The following PLPPR2 variants were observed in gnomAD, a reference collection of about 807,000 sequenced individuals.
PLPPR2 encodes the protein phospholipid phosphatase-related protein type 2.
A neutral mutation model predicts 40.3 loss-of-function variants in PLPPR2; 11 were observed. The observed-to-expected ratio is 0.27, with a 90% CI of 0.17 to 0.45. The LOEUF (loss-of-function observed/expected upper bound fraction) is 0.45, where lower values mean the gene tolerates loss of function less well. PLPPR2 is among the 20% of genes least tolerant of loss of function. PLPPR2 has a pLI of 1.00. For synonymous variants in PLPPR2, 260 were observed against 290.8 expected, an observed-to-expected ratio of 0.89 and a Z score of 1.08; for missense variants, 497 against 640.7, an observed-to-expected ratio of 0.78 and a Z score of 2.42.
Position 11,364,428 on chromosome 19 carries a change from G to A in PLPPR2, c.1097G>A (p.Arg366His), listed in dbSNP as rs746058870. 8.6e-6 allele frequency: 13 copies of A among 1,519,674 alleles called. No homozygotes were observed. Among genetic ancestry groups the A allele is most frequent in the African/African-American group, 8.3e-5 (6 of 72,200 alleles). The allele number at this position is 1,519,674 out of a possible 1,614,324, so 94.1% of individuals were successfully genotyped here. ...SRAPAMCSSP[R>H]VPRPRLRSEP... ...GCCCCAGCCATGTGTTCGTCGCCCCGTGTGCCCCGTCCTCGATTGAGGTCT... is the reference window on the plus strand; with the variant it reads ...GCCCCAGCCATGTGTTCGTCGCCCCATGTGCCCCGTCCTCGATTGAGGTCT... Residue 366 changes from arginine to histidine, a missense_variant, in exon 10 of 10, where the codon CGT becomes CAT. Transcript: ENST00000688289. The surrounding 1 kb of genome is among the most constrained non-coding windows in gnomAD (Gnocchi z 5.8).
chr19:11,361,583 C>T lies in PLPPR2; in HGVS notation c.663+95C>T. ...GCCAGGGTTGGAGCCTCTGCTCTTC[C>T]ACGCCCCGGGTGCTGTTGGAAGCTC... On this transcript the variant is annotated intron_variant, in intron 6 of 9. Coordinates refer to ENST00000688289, the MANE Select transcript of PLPPR2 (RefSeq NM_001393892.1). The surrounding 1 kb of genome is among the most constrained non-coding windows in gnomAD (Gnocchi z 6.3). 1 of 1,488,082 alleles carries T rather than the reference C, an allele frequency of 6.7e-7. No homozygotes were observed. Among genetic ancestry groups the T allele is most frequent in the Non-Finnish European group, 9.0e-7 (1 of 1,115,936 alleles). The allele number at this position is 1,488,082 out of a possible 1,614,324, so 92.2% of individuals were successfully genotyped here.
At chr19:11,356,627 G>T (rs992902489) in intron 1 of PLPPR2, among the ~76,000 whole-genome samples, 175 bp from the exon 2 acceptor site, 2 of 151,030 alleles carry the variant, frequency 1.3e-5, no homozygotes, top group Non-Finnish European at 2.9e-5. Context: ...GCAGGTGCTC[G>T]GTCTTCACTG....
rs1459095597 is a variant in PLPPR2, at chr19:11,359,029, G to A, written c.67-503G>A. ...GTTTTAATTTTTTTTCTTTCTTTTT[G>A]TCTTTCAGCCATTCCTTTTCCTTTC... On this transcript the variant is annotated intron_variant, in intron 3 of 9. Coordinates refer to ENST00000688289, the MANE Select transcript of PLPPR2 (RefSeq NM_001393892.1). The surrounding 1 kb of genome is among the most constrained non-coding windows in gnomAD (Gnocchi z 5.6). Among the ~76,000 whole-genome samples, 4 of 150,104 alleles carry A rather than the reference G, an allele frequency of 2.7e-5. No individual in the cohort carries two copies. The highest frequency in any genetic ancestry group is 3.9e-4 in the East Asian group (2 of 5,082).
chr19:11,362,428 C>A lies in PLPPR2; in HGVS notation c.664-85C>A. ...CTCCCTCCAGCCCCAACGCTCTGGC[C>A]ATGCGCTCTAGCCCAGAAAGGAGCG... is the stretch of plus-strand genomic sequence containing the variant. On this transcript the variant is annotated intron_variant, in intron 6 of 9. Transcript: ENST00000688289. The surrounding 1 kb of genome is among the most constrained non-coding windows in gnomAD (Gnocchi z 5.3). The A allele has an allele frequency of 1.3e-6, 2 of 1,537,550 alleles. No individual in the cohort carries two copies. The highest frequency in any genetic ancestry group is 1.1e-5 in the South Asian group (1 of 88,884).
chr19:11,364,346 G>A lies in PLPPR2; in HGVS notation c.1016-1G>A. 1 of 1,518,042 alleles carries A rather than the reference G, an allele frequency of 6.6e-7. No individual in the cohort carries two copies. The highest frequency in any genetic ancestry group is 8.8e-7 in the Non-Finnish European group (1 of 1,134,026). The allele number at this position is 1,518,042 out of a possible 1,614,324, so 94.0% of individuals were successfully genotyped here. ...CCTGATATCTGGCTTCTGACCACCA[G>A]AGTCGCAGAACTGCGCCCGCCGTGG... On this transcript the variant is annotated splice_acceptor_variant, in intron 9 of 9. Transcript: ENST00000688289. LOFTEE classifies it high-confidence loss of function. This position sits in a 1 kb window ranked among gnomAD's most constrained non-coding sequence, Gnocchi z 5.8.
At chr19:11,358,043 G>C (rs1316240000) in intron 3 of PLPPR2, among the ~76,000 whole-genome samples, 3 of 39,150 alleles carry the variant, frequency 7.7e-5, no homozygotes, top group African/African-American at 2.1e-4. Context: ...GTGTGTGTGT[G>C]TGTGTGTGTG....
intron 2 of PLPPR2, 44 bp from the exon 3 acceptor site, chr19:11,357,616 T>G (rs1967922723): frequency 6.7e-7 from 1 of 1,488,392 alleles, no homozygotes; most frequent in Admixed American, 2.0e-5. Context: ...AGCCTTCCCC[T>G]AGGCACACCC....
chr19:11,364,475 C>T lies in PLPPR2; in HGVS notation c.1144C>T (p.Pro382Ser). 6.6e-7 allele frequency: 1 copy of T among 1,517,598 alleles called. No homozygotes were observed. The highest frequency in any genetic ancestry group is 8.8e-7 in the Non-Finnish European group (1 of 1,138,314). 94.0% of individuals were successfully genotyped at this position (1,517,598 alleles called of 1,614,324 possible). Residue 382 changes from proline to serine, a missense_variant, in exon 10 of 10, where the codon CCC (proline) becomes TCC (serine). Pro to Ser is a moderately conservative substitution (Grantham distance 74). Coordinates refer to ENST00000688289, the MANE Select transcript of PLPPR2 (RefSeq NM_001393892.1). This position sits in a 1 kb window ranked among gnomAD's most constrained non-coding sequence, Gnocchi z 5.8. Reference protein sequence around the residue: ...LRSEPTPLPLPLPLPAPTPSQ... With the variant: ...LRSEPTPLPLSLPLPAPTPSQ... Reference sequence around the variant, plus strand: ...GTCTGAGCCGACGCCCTTGCCCCTGCCCCTACCCCTGCCAGCGCCCACCCC... The same window carrying T: ...GTCTGAGCCGACGCCCTTGCCCCTGTCCCTACCCCTGCCAGCGCCCACCCC...
Position 11,365,074 on chromosome 19 carries a change from C to G in PLPPR2, c.*384C>G. On this transcript the variant is annotated 3_prime_UTR_variant, in exon 10 of 10. Transcript: ENST00000688289. ...GAGGGCAACTCCAGCCAGTGTTCAG[C>G]GACTGAACAGCCAATAGGAGCCCTT... The G allele has an allele frequency of 3.7e-6, 1 of 270,236 alleles. No homozygotes were observed. The allele number at this position is 270,236 out of a possible 1,614,324, so 16.7% of individuals were successfully genotyped here.
chr19:11,359,510 C>T lies in PLPPR2; in HGVS notation c.67-22C>T, dbSNP rs1221656786. On this transcript the variant is annotated intron_variant, in intron 3 of 9. Transcript: ENST00000688289. This position sits in a 1 kb window ranked among gnomAD's most constrained non-coding sequence, Gnocchi z 5.6. ...TCTCTCTTCTCTCTCCGCCACCTCT[C>T]CCCGCCCTGGCTTGGTGGCAGTCGG... 6.6e-7 allele frequency: 1 copy of T among 1,522,488 alleles called. No homozygotes were observed. The highest frequency in any genetic ancestry group is 2.4e-5 in the East Asian group (1 of 42,420). The allele number at this position is 1,522,488 out of a possible 1,614,324, so 94.3% of individuals were successfully genotyped here. A position where few individuals can be genotyped will look rare whatever the true frequency, so the allele number is the denominator to read the frequency against.
rs1438742496 is a variant in PLPPR2 at position 11,359,916 on chromosome 19, C to T, written c.351C>T (p.Cys117=). The T allele has an allele frequency of 2.5e-6, 4 of 1,612,604 alleles. No individual in the cohort carries two copies. In the East Asian group the frequency reaches 6.7e-5, roughly 27 times the overall value. The change falls in exon 5 of 10, where the codon TGC becomes TGT. Residue 117 remains cysteine, a synonymous_variant. Coordinates refer to ENST00000688289, the MANE Select transcript of PLPPR2 (RefSeq NM_001393892.1). This position sits in a 1 kb window ranked among gnomAD's most constrained non-coding sequence, Gnocchi z 5.6. ...GCACCATCGTGTCTGGGGCCTGCTG[C>T]CGCTTCAGCCCCCCAGTGCGGAGGC... ...GESTIVSGAC[C]RFSPPVRRLV...
rs1770049886 is a variant in PLPPR2 at position 11,365,114 on chromosome 19, C to T, written c.*424C>T. On this transcript the variant is annotated 3_prime_UTR_variant, in exon 10 of 10. Transcript: ENST00000688289. ...TAGGAGCCCTTGGTTTCCAGAATTT[C>T]TAGAGTGGGTGGGCATGATTCCAGT... 1 of 210,012 alleles carries T rather than the reference C, an allele frequency of 4.8e-6. No individual in the cohort carries two copies. Among genetic ancestry groups the T allele is most frequent in the African/African-American group, 2.4e-5 (1 of 42,488 alleles). The allele number at this position is 210,012 out of a possible 1,614,324, so 13.0% of individuals were successfully genotyped here.
intron 3 of PLPPR2, among the ~76,000 whole-genome samples, chr19:11,358,124 G>C (rs993852545): frequency 6.6e-6 from 1 of 151,762 alleles, no homozygotes; most frequent in Admixed American, 6.6e-5. Flanking sequence ...GCATAATCTC[G>C]GTTTACTGCC....
Position 11,361,694 on chromosome 19 carries a change from T to C in PLPPR2, c.663+206T>C, listed in dbSNP as rs1012414779. Among the ~76,000 whole-genome samples the C allele has an allele frequency of 3.9e-5, 6 of 152,144 alleles. No homozygotes were observed. Among genetic ancestry groups the C allele is most frequent in the African/African-American group, 1.4e-4 (6 of 41,428 alleles). On this transcript the variant is annotated intron_variant, in intron 6 of 9. Coordinates refer to ENST00000688289, the MANE Select transcript of PLPPR2 (RefSeq NM_001393892.1). The surrounding 1 kb of genome is among the most constrained non-coding windows in gnomAD (Gnocchi z 6.3). ...CCCAGTCAGAGGCTATCGCTGTCCA[T>C]TGACTCCGCCCCTTGCCCTCTGGCC...
rs375958786 is a variant in PLPPR2, at chr19:11,364,741, C to T, written c.*51C>T. On this transcript the variant is annotated 3_prime_UTR_variant, in exon 10 of 10. Coordinates refer to ENST00000688289, the MANE Select transcript of PLPPR2 (RefSeq NM_001393892.1). The surrounding 1 kb of genome is among the most constrained non-coding windows in gnomAD (Gnocchi z 5.8). ...CCCAGTCCCCACTTCTTCCCTGCCA[C>T]GCGTGTGTGTGCGTGTGCCACGTGA... is the stretch of plus-strand genomic sequence containing the variant. The T allele has an allele frequency of 6.9e-5, 105 of 1,532,578 alleles. No individual in the cohort carries two copies. Among genetic ancestry groups the T allele is most frequent in the Admixed American group, 1.8e-4 (9 of 50,822 alleles). 94.9% of individuals were successfully genotyped at this position (1,532,578 alleles called of 1,614,324 possible).
chr19:11,361,400 C>T lies in PLPPR2; in HGVS notation c.575C>T (p.Ala192Val), dbSNP rs773479078. ...TTTGTCACTGACCAGGGTGCCTGCG[C>T]TGGCAGTCCCAGCCTCGTGGCCGCC... ...DRFVTDQGAC[A>V]GSPSLVAAAR... Residue 192 changes from alanine (A) to valine (V), a missense_variant, in exon 6 of 10, where the codon GCT (alanine) becomes GTT (valine). Coordinates refer to ENST00000688289, the MANE Select transcript of PLPPR2 (RefSeq NM_001393892.1). This position sits in a 1 kb window ranked among gnomAD's most constrained non-coding sequence, Gnocchi z 6.3. 1.2e-6 allele frequency: 2 copies of T among 1,609,936 alleles called. No homozygotes were observed. The highest frequency in any genetic ancestry group is 8.5e-7 in the Non-Finnish European group (1 of 1,179,776).
In PLPPR2 at chr19:11,361,495, T is replaced by C. The variant is rs753420358; in HGVS notation, c.663+7T>C. On this transcript the variant is annotated splice_region_variant and intron_variant, in intron 6 of 9. Transcript: ENST00000688289. The surrounding 1 kb of genome is among the most constrained non-coding windows in gnomAD (Gnocchi z 6.3). ...CGCGGTCACCTACACAGCGGTGAGC[T>C]TCGGGAGCTTCGGGGTCGGAAATGG... is the stretch of plus-strand genomic sequence containing the variant. 1.9e-6 allele frequency: 3 copies of C among 1,585,234 alleles called. No individual in the cohort carries two copies. Among genetic ancestry groups the C allele is most frequent in the East Asian group, 2.2e-5 (1 of 44,550 alleles).
Position 11,361,615 on chromosome 19 carries a change from C to A in PLPPR2, c.663+127C>A. On this transcript the variant is annotated intron_variant, in intron 6 of 9. Coordinates refer to ENST00000688289, the MANE Select transcript of PLPPR2 (RefSeq NM_001393892.1). This position sits in a 1 kb window ranked among gnomAD's most constrained non-coding sequence, Gnocchi z 6.3. ...CGGGTGCTGTTGGAAGCTCTCGCTCCACGCCCCGACCTGTTGGAAGCTCTC... is the reference window on the plus strand; with the variant it reads ...CGGGTGCTGTTGGAAGCTCTCGCTCAACGCCCCGACCTGTTGGAAGCTCTC... 1 of 1,302,594 alleles carries A rather than the reference C, an allele frequency of 7.7e-7. No individual in the cohort carries two copies. 80.7% of individuals were successfully genotyped at this position (1,302,594 alleles called of 1,614,324 possible). A position where few individuals can be genotyped will look rare whatever the true frequency, so the allele number is the denominator to read the frequency against.
intron 2 of PLPPR2, 30 bp from the exon 3 acceptor site, chr19:11,357,630 G>A (rs777601749): frequency 6.4e-7 from 1 of 1,552,498 alleles, no homozygotes; most frequent in South Asian, 1.2e-5. Context: ...CACACCCCCT[G>A]GGACTCCCAC....
Sources: gnomAD v4.1 joint callset for allele counts (sites outside exome capture counted in the v4.1 genomes callset) on GRCh38, gnomAD v4.1.1 for gene constraint, Gnocchi (gnomAD v3.1) non-coding constraint, MANE v1.5 for transcripts, NCBI Gene and HGNC (gene_info 2026-07-23, HGNC 2026-07-21) for gene names.